The following DENND1B variants were observed in gnomAD, a reference collection of about 807,000 sequenced individuals.
DENND1B encodes the protein DENN domain containing 1B.
In DENND1B, 59 loss-of-function variants were observed where a neutral mutation model predicts 90.1. That is an observed-to-expected ratio of 0.65 (90% CI 0.53 to 0.81). The LOEUF (loss-of-function observed/expected upper bound fraction) is 0.81. Among genes scored for constraint, DENND1B ranks in the 40% least tolerant of loss-of-function variants. DENND1B has a pLI of 0.00. For synonymous variants in DENND1B, 337 were observed against 324.6 expected (o/e 1.04, Z -0.41); for missense variants, 862 against 912.6 (o/e 0.94, Z 0.71).
chr1:197,572,419 C>T (rs865925281), intron 15 of DENND1B, among the ~76,000 whole-genome samples: 2 of 152,140 alleles, frequency 1.3e-5, no homozygotes, highest in South Asian at 2.1e-4. Context: ...CCGGGAAGCT[C>T]GAACTGGGCG....
At chr1:197,611,896 A>C in intron 12 of DENND1B, 35 bp downstream of exon 12, 1 of 1,582,194 alleles carries the variant, frequency 6.3e-7, no homozygotes, top group East Asian at 2.3e-5. Context: ...TTATGAGTTA[A>C]TTTTATCACT....
chr1:197,759,124 C>T (rs1482329807), intron 2 of DENND1B, among the ~76,000 whole-genome samples: 1 of 151,522 alleles, frequency 6.6e-6, no homozygotes, highest in Non-Finnish European at 1.5e-5. Context: ...GTGCACACCA[C>T]TACACCCAGC....
intron 3 of DENND1B, among the ~76,000 whole-genome samples, chr1:197,713,797 T>A (rs1416022231): frequency 1.2e-4 from 4 of 34,412 alleles, no homozygotes; most frequent in Admixed American, 5.3e-4. Flanking sequence ...ATAATATTAT[T>A]ATATTATAAT....
intron 3 of DENND1B, among the ~76,000 whole-genome samples, chr1:197,704,337 AACTG>A (rs974048061): frequency 6.6e-5 from 10 of 152,186 alleles, no homozygotes; most frequent in South Asian, 2.1e-4. Flanking sequence ...TTCCTAATGT[AACTG>A]ACTATTTCAG....
upstream of DENND1B, among the ~76,000 whole-genome samples, chr1:197,779,701 G>C (rs1210040470): frequency 6.6e-6 from 1 of 151,294 alleles, no homozygotes; most frequent in Non-Finnish European, 1.5e-5. Flanking sequence ...TATTTCTAAA[G>C]TTCTGTTTGG....
intron 10 of DENND1B, among the ~76,000 whole-genome samples, chr1:197,618,409 A>C (rs982056101): frequency 4.0e-5 from 6 of 151,226 alleles, no homozygotes; most frequent in Admixed American, 4.0e-4. Flanking sequence ...TCATAATTTC[A>C]TATTTAAACT....
chr1:197,688,923 G>C (rs1657549995), intron 3 of DENND1B: 1 of 215,254 alleles, frequency 4.6e-6, no homozygotes, highest in South Asian at 8.2e-5. Context: ...GGGTCCTTCA[G>C]GTATGCCTGG....
intron 10 of DENND1B, among the ~76,000 whole-genome samples, chr1:197,622,581 T>A (rs1430778194): frequency 6.6e-6 from 1 of 151,474 alleles, no homozygotes; most frequent in African/African-American, 2.4e-5. Context: ...GACCTTTGTA[T>A]GAGAAATCTA....
chr1:197,627,693 G>A (rs1483095214), intron 10 of DENND1B, among the ~76,000 whole-genome samples: 5 of 151,742 alleles, frequency 3.3e-5, no homozygotes, highest in South Asian at 2.1e-4. Flanking sequence ...ATTAGGCAGG[G>A]GAAGGAAATA....
At position 197,581,604 on chromosome 1, in the gene DENND1B, C is replaced by T. The variant is rs576011871; in HGVS notation, c.1149+1548G>A. 1.4e-4 allele frequency among the ~76,000 whole-genome samples: 21 copies of T among 152,192 alleles called. No individual in the cohort carries two copies. In the South Asian group the frequency reaches 4.4e-3, roughly 32 times the overall value. On this transcript the variant is annotated intron_variant, in intron 15 of 22. Coordinates refer to ENST00000620048, the MANE Select transcript of DENND1B (RefSeq NM_001195215.2). ...TTTTAAAGAAAAAGAAATATGTACT[C>T]ATGTAAAACAGATATTCTGCGATAC...
chr1:197,746,050 A>G (rs1663713262), intron 2 of DENND1B, among the ~76,000 whole-genome samples: 2 of 152,210 alleles, frequency 1.3e-5, no homozygotes, highest in African/African-American at 4.8e-5. Flanking sequence ...ACAACTGTTA[A>G]TCTTAAAAAC....
At chr1:197,752,646 C>A (rs957597068) in intron 2 of DENND1B, among the ~76,000 whole-genome samples, 1 of 151,474 alleles carries the variant, frequency 6.6e-6, no homozygotes, top group East Asian at 1.9e-4. Context: ...AATTTTTTTT[C>A]TTTATTATTA....
intron 11 of DENND1B, among the ~76,000 whole-genome samples, chr1:197,615,576 G>A (rs1216528550): frequency 6.6e-6 from 1 of 150,910 alleles, no homozygotes; most frequent in Non-Finnish European, 1.5e-5. Flanking sequence ...TTGAAGGGAT[G>A]ATCTGTAATT....
At chr1:197,773,021 T>A (rs1178923173) in intron 1 of DENND1B, 89 bp from the exon 2 acceptor site, 1 of 1,117,048 alleles carries the variant, frequency 9.0e-7, no homozygotes, top group East Asian at 2.6e-5. Flanking sequence ...CTAATCTTGT[T>A]TTTGTCTCAA....
chr1:197,645,075 CTATT>C (rs1353998916), intron 9 of DENND1B, among the ~76,000 whole-genome samples: 32 of 152,012 alleles, frequency 2.1e-4, no homozygotes, highest in African/African-American at 7.0e-4. Flanking sequence ...TGTGTAATAA[CTATT>C]AAAATACTGA....
chr1:197,570,292 A>C (rs563124762), intron 15 of DENND1B, among the ~76,000 whole-genome samples: 1 of 152,160 alleles, frequency 6.6e-6, no homozygotes, highest in Non-Finnish European at 1.5e-5. Context: ...TATGTGACAT[A>C]GGAATTTATC....
intron 2 of DENND1B, chr1:197,734,451 A>G (rs1662446029): frequency 8.1e-6 from 8 of 984,222 alleles, no homozygotes; most frequent in Non-Finnish European, 9.7e-6. Context: ...AACAACAAAT[A>G]TTGAAAATTA....
intron 5 of DENND1B, among the ~76,000 whole-genome samples, chr1:197,658,698 T>A (rs180877763): frequency 6.6e-6 from 1 of 151,546 alleles, no homozygotes; most frequent in East Asian, 2.0e-4. Flanking sequence ...ATATAAAAAC[T>A]AGTTTTAAAA....
At position 197,532,309 on chromosome 1, in the gene DENND1B, C is replaced by A. The variant is rs1430740470; in HGVS notation, c.1515+7655G>T. Reference sequence around the variant, plus strand: ...AATAGTTTACCAACCAAAAAGAGTCCAGGACCAGATGGATTCACAGCCGAA... The same window carrying A: ...AATAGTTTACCAACCAAAAAGAGTCAAGGACCAGATGGATTCACAGCCGAA... On this transcript the variant is annotated intron_variant, in intron 20 of 22. Transcript: ENST00000620048. Among the ~76,000 whole-genome samples, 29 of 9,088 alleles carry A rather than the reference C, an allele frequency of 3.2e-3. 12 individuals carry two copies. The highest frequency in any genetic ancestry group is 4.7e-3 in the Admixed American group (2 of 424). 6.0% of individuals were successfully genotyped at this position (9,088 alleles called of 152,430 possible).
Sources: allele counts gnomAD v4.1 joint callset (sites outside exome capture counted in the v4.1 genomes callset), GRCh38; gene constraint gnomAD v4.1.1; transcripts MANE v1.5; gene names NCBI Gene and HGNC (gene_info 2026-07-23, HGNC 2026-07-21).